The following PTPRG variants were observed in gnomAD, a reference collection of about 807,000 sequenced individuals.
PTPRG encodes receptor-type tyrosine-protein phosphatase gamma.
A neutral mutation model predicts 165.3 loss-of-function variants in PTPRG; 102 were observed. That is an observed-to-expected ratio of 0.62 (90% CI 0.53 to 0.73). The LOEUF (loss-of-function observed/expected upper bound fraction) is 0.73. PTPRG is among the 30% of genes least tolerant of loss of function. The pLI, the probability that PTPRG is intolerant of heterozygous loss-of-function variation, is 0.00. For missense variants in PTPRG, 1,866 were observed against 1,861.4 expected, an observed-to-expected ratio of 1.00 and a Z score of -0.05; for synonymous variants, 675 against 669.5, an observed-to-expected ratio of 1.01 and a Z score of -0.13.
intron 1 of PTPRG, among the ~76,000 whole-genome samples, chr3:61,566,338 T>C (rs1699913645): frequency 6.6e-6 from 1 of 152,220 alleles, no homozygotes; most frequent in Non-Finnish European, 1.5e-5. Context: ...CCCTTTCAGA[T>C]TTGCCTTTCT....
chr3:61,672,066 C>G (rs1196093121), intron 1 of PTPRG, among the ~76,000 whole-genome samples: 1 of 147,606 alleles, frequency 6.8e-6, no homozygotes. Flanking sequence ...CAGAGACGCT[C>G]CTCACATCCC....
At chr3:61,789,333 C>T (rs1385339153) in intron 2 of PTPRG, among the ~76,000 whole-genome samples, 1 of 152,100 alleles carries the variant, frequency 6.6e-6, no homozygotes, top group East Asian at 1.9e-4. Flanking sequence ...GACTCTTGGT[C>T]CTGATCTCAA....
Position 62,048,230 on chromosome 3 carries a change from C to T in PTPRG, c.520-29933C>T, listed in dbSNP as rs539915494. ...AAGGAGGTAATGAATGTTGCTCTTT[C>T]CTAGAATTAGAGAAAATATATCCAC... On this transcript the variant is annotated intron_variant, in intron 4 of 29. Coordinates refer to ENST00000474889, the MANE Select transcript of PTPRG (RefSeq NM_002841.4). Among the ~76,000 whole-genome samples the T allele has an allele frequency of 1.1e-4, 16 of 152,184 alleles. No individual in the cohort carries two copies. The South Asian group carries it at 3.1e-3, about 30-fold the overall frequency.
rs747817897 is a variant in PTPRG, at chr3:62,157,122, G to A, written c.738G>A (p.Leu246=). Residue 246 remains leucine, a synonymous_variant, in exon 7 of 30, where the codon CTG becomes CTA. Transcript: ENST00000474889. ...FVLRDLLPAS[L]GSYYRYTGSL... ...TCCGGGACCTCCTGCCTGCATCCCT[G>A]GGCAGCTATTATCGGTACACAGGTT... 6.2e-7 allele frequency: 1 copy of A among 1,612,274 alleles called. No individual in the cohort carries two copies. Among genetic ancestry groups the A allele is most frequent in the South Asian group, 1.1e-5 (1 of 91,036 alleles).
At chr3:62,124,711 C>T (rs183357178) in intron 5 of PTPRG, 3 of 580,866 alleles carry the variant, frequency 5.2e-6, no homozygotes, top group Admixed American at 5.9e-5. Context: ...CCGGACTTGG[C>T]TCAGAATCAC....
At chr3:61,950,560 GT>G (rs35166175) in intron 2 of PTPRG, among the ~76,000 whole-genome samples, 12,194 of 151,556 alleles carry the variant, frequency 0.08, 609 homozygotes, top group African/African-American at 0.14. Context: ...GCCTTAAATG[GT>G]TTTTTTTTAA....
At chr3:62,113,168 A>G (rs1702730336) in intron 5 of PTPRG, among the ~76,000 whole-genome samples, 1 of 152,150 alleles carries the variant, frequency 6.6e-6, no homozygotes, top group Non-Finnish European at 1.5e-5. Flanking sequence ...GAGAAATTCC[A>G]TATTGGCATC....
At chr3:61,614,041 C>CT (rs1393210710) in intron 1 of PTPRG, among the ~76,000 whole-genome samples, 2 of 152,186 alleles carry the variant, frequency 1.3e-5, no homozygotes, top group Non-Finnish European at 2.9e-5. Context: ...TGGTAGCCCT[C>CT]TAAGTGATCT....
chr3:61,631,515 T>C (rs1445479320), intron 1 of PTPRG, among the ~76,000 whole-genome samples: 1 of 152,234 alleles, frequency 6.6e-6, no homozygotes. Flanking sequence ...TATAGTTGTA[T>C]AGAAAAACCA....
At chr3:62,129,642 G>A (rs1703442358) in intron 5 of PTPRG, among the ~76,000 whole-genome samples, 1 of 152,122 alleles carries the variant, frequency 6.6e-6, no homozygotes, top group Non-Finnish European at 1.5e-5. Context: ...ATTCATGAGG[G>A]CAGAACCCTC....
intron 16 of PTPRG, among the ~76,000 whole-genome samples, chr3:62,259,060 G>A (rs1701617983): frequency 6.6e-6 from 1 of 152,186 alleles, no homozygotes. Flanking sequence ...AGATCCTTTG[G>A]GGGACTGCCT....
rs1345391438 is a variant in PTPRG, at chr3:62,294,844, GGCT to G, written c.*1542_*1544del. ...TTAACTTCAACAAAAAGGCCACGCTGGCTGCTGTCATGCCATCTGGGTATGCAT... is the reference window on the plus strand; with the variant it reads ...TTAACTTCAACAAAAAGGCCACGCTGGCTGTCATGCCATCTGGGTATGCAT... On this transcript the variant is annotated 3_prime_UTR_variant, in exon 30 of 30. Transcript: ENST00000474889. 1 of 152,090 alleles carries G rather than the reference GGCT, an allele frequency of 6.6e-6. No homozygotes were observed. Among genetic ancestry groups the G allele is most frequent in the African/African-American group, 2.4e-5 (1 of 41,420 alleles). 9.4% of individuals were successfully genotyped at this position (152,090 alleles called of 1,614,324 possible).
intron 2 of PTPRG, among the ~76,000 whole-genome samples, chr3:61,782,700 C>T (rs764531630): frequency 1.3e-5 from 2 of 152,162 alleles, no homozygotes; most frequent in Non-Finnish European, 2.9e-5. Context: ...GTTGACCTGG[C>T]GCATTTTAGA....
At chr3:61,927,924 C>T (rs933611247) in intron 2 of PTPRG, among the ~76,000 whole-genome samples, 2 of 151,860 alleles carry the variant, frequency 1.3e-5, no homozygotes, top group African/African-American at 4.8e-5. Context: ...GGTATACGTG[C>T]GTTCAAAGAG....
chr3:61,871,877 A>G (rs2037595585), intron 2 of PTPRG, among the ~76,000 whole-genome samples: 1 of 152,102 alleles, frequency 6.6e-6, no homozygotes, highest in Non-Finnish European at 1.5e-5. Context: ...CAGCAAGACT[A>G]TTTAACATTT....
intron 1 of PTPRG, chr3:61,743,021 C>T (rs1373701113): frequency 1.3e-6 from 2 of 1,585,296 alleles, no homozygotes; most frequent in Middle Eastern, 1.8e-4. Context: ...TCCACCGTCT[C>T]CAGGAACTTG....
chr3:61,912,482 T>C (rs1370310439), intron 2 of PTPRG, among the ~76,000 whole-genome samples: 2 of 152,186 alleles, frequency 1.3e-5, no homozygotes, highest in Non-Finnish European at 2.9e-5. Context: ...TTCACTTATG[T>C]ATGACTTAAT....
intron 4 of PTPRG, among the ~76,000 whole-genome samples, chr3:62,070,393 A>G (rs1701170140): frequency 6.6e-6 from 1 of 152,100 alleles, no homozygotes; most frequent in South Asian, 2.1e-4. Context: ...GATGGCATGG[A>G]TTTTGTTAGT....
chr3:62,093,984 A>G (rs1013507459), intron 5 of PTPRG, among the ~76,000 whole-genome samples: 1 of 152,140 alleles, frequency 6.6e-6, no homozygotes, highest in African/African-American at 2.4e-5. Context: ...TGCTTCTCCT[A>G]TTACCAGTAA....
Sources: gnomAD v4.1 joint callset for allele counts (sites outside exome capture counted in the v4.1 genomes callset) on GRCh38, gnomAD v4.1.1 for gene constraint, MANE v1.5 for transcripts, NCBI Gene and HGNC (gene_info 2026-07-23, HGNC 2026-07-21) for gene names.